Variants in C4orf51 observed in about 807,000 individuals in gnomAD.
C4orf51 encodes chromosome 4 open reading frame 51, also known as uncharacterized protein C4orf51.
Under a neutral mutation model 25.2 loss-of-function variants are expected in C4orf51, and 25 were observed. The ratio of observed to expected loss-of-function variants is 0.99; its 90% CI spans 0.72 to 1.39. The LOEUF (loss-of-function observed/expected upper bound fraction) is 1.39, where lower values mean the gene tolerates loss of function less well. C4orf51 is among the 40% of genes most tolerant of loss of function. The pLI is 0.00. For synonymous variants in C4orf51, 100 were observed against 84.5 expected (o/e 1.18, Z -1.01); for missense variants, 252 against 239.6 (o/e 1.05, Z -0.34).
intron 2 of C4orf51, among the ~76,000 whole-genome samples, chr4:145,711,912 A>G (rs932656165): frequency 1.4e-4 from 22 of 152,258 alleles, no homozygotes; most frequent in African/African-American, 5.3e-4. Flanking sequence ...CCATTTTTCC[A>G]ACAGTATGTA....
At position 145,732,420 on chromosome 4, in the gene C4orf51, G is replaced by A. The variant is rs760308087; in HGVS notation, c.502-33G>A. 13 of 1,387,384 alleles carry A rather than the reference G, an allele frequency of 9.4e-6. No homozygotes were observed. In the South Asian group the frequency reaches 1.6e-4, roughly 17 times the overall value. The allele number at this position is 1,387,384 out of a possible 1,614,324, so 85.9% of individuals were successfully genotyped here. On this transcript the variant is annotated intron_variant, in intron 5 of 5. Transcript: ENST00000438731. ...GTGGAAAAGTGACCTTTGCGGATGAGCGAGTGTTGACAACCAGGCCATTTT... is the reference window on the plus strand; with the variant it reads ...GTGGAAAAGTGACCTTTGCGGATGAACGAGTGTTGACAACCAGGCCATTTT...
rs1728758816 is a variant in C4orf51 at position 145,680,419 on chromosome 4, T to C, written c.216T>C (p.His72=). Residue 72 remains histidine (H), a synonymous_variant, in exon 1 of 6, where the codon CAT becomes CAC. Transcript: ENST00000438731. ...CSQFSFRAGQ[H]EPECKQMSLT... ...AATTTTCTTTTAGAGCAGGACAGCATGAGCCTGAGTGTAAACAGTAAGATT... is the reference window on the plus strand; with the variant it reads ...AATTTTCTTTTAGAGCAGGACAGCACGAGCCTGAGTGTAAACAGTAAGATT... 1 of 1,613,496 alleles carries C rather than the reference T, an allele frequency of 6.2e-7. No homozygotes were observed. The highest frequency in any genetic ancestry group is 8.5e-7 in the Non-Finnish European group (1 of 1,179,498).
At position 145,761,512 on chromosome 4, in the gene C4orf51, C is replaced by T. The variant is rs1560881496; in HGVS notation, n.167-9476C>T. On this transcript the variant is annotated intron_variant and non_coding_transcript_variant, in intron 1 of 1. Coordinates refer to the C4orf51 transcript ENST00000510096. The surrounding 1 kb of genome is among the most constrained non-coding windows in gnomAD (Gnocchi z 6.8). ...GTTGGCCTTCACCGTCTGGCAGATC[C>T]GGCACTTGTACTCCATCTTGTAGTG... is the stretch of plus-strand genomic sequence containing the variant. 1.6e-6 allele frequency: 2 copies of T among 1,289,744 alleles called. No homozygotes were observed. Among genetic ancestry groups the T allele is most frequent in the Admixed American group, 2.3e-5 (1 of 43,566 alleles). The allele number at this position is 1,289,744 out of a possible 1,614,324, so 79.9% of individuals were successfully genotyped here.
chr4:145,701,811 T>C (rs1419206124), intron 2 of C4orf51, among the ~76,000 whole-genome samples: 1 of 152,032 alleles, frequency 6.6e-6, no homozygotes, highest in Non-Finnish European at 1.5e-5. Context: ...TTTTATGCAC[T>C]CTTTTTTAGT....
chr4:145,696,714 C>A, intron 2 of C4orf51, 82 bp downstream of exon 2: 1 of 1,015,486 alleles, frequency 9.8e-7, no homozygotes, highest in Non-Finnish European at 1.5e-6. Flanking sequence ...TTTTTTCTCT[C>A]ACTTTACTGA....
At chr4:145,695,694 A>G (rs1008871184) in intron 1 of C4orf51, among the ~76,000 whole-genome samples, 9 of 152,210 alleles carry the variant, frequency 5.9e-5, no homozygotes, top group Admixed American at 2.0e-4. Flanking sequence ...TCATTCCACC[A>G]TAGAGACACA....
Position 145,765,775 on chromosome 4 carries a change from A to T in C4orf51, n.167-5213A>T. Reference sequence around the variant, plus strand: ...GCAAATAACCCAGTCTGTTAATGAGATGAAAATCCTCAGAATTATAGCAAC... The same window carrying T: ...GCAAATAACCCAGTCTGTTAATGAGTTGAAAATCCTCAGAATTATAGCAAC... On this transcript the variant is annotated intron_variant and non_coding_transcript_variant, in intron 1 of 1. Transcript: ENST00000510096. This position sits in a 1 kb window ranked among gnomAD's most constrained non-coding sequence, Gnocchi z 4.7. 3.1e-6 allele frequency: 5 copies of T among 1,592,058 alleles called. No homozygotes were observed. Among genetic ancestry groups the T allele is most frequent in the Non-Finnish European group, 4.3e-6 (5 of 1,167,698 alleles).
chr4:145,773,841 G>C (rs1441023730), downstream of C4orf51, among the ~76,000 whole-genome samples: 1 of 152,154 alleles, frequency 6.6e-6, no homozygotes, highest in African/African-American at 2.4e-5. Context: ...AGTTTCACTG[G>C]AGAGGAACAG....
downstream of C4orf51, chr4:145,774,769 C>T (rs1736797522): frequency 7.4e-7 from 1 of 1,357,234 alleles, no homozygotes; most frequent in Non-Finnish European, 1.0e-6. Flanking sequence ...CTCAAGAAAA[C>T]TGGAATTTGA....
At chr4:145,719,718 C>G (rs979819162) in intron 2 of C4orf51, among the ~76,000 whole-genome samples, 2 of 152,094 alleles carry the variant, frequency 1.3e-5, no homozygotes, top group Non-Finnish European at 1.5e-5. Context: ...GTGCGTGGCA[C>G]TGTTGCACAC....
At chr4:145,694,734 GC>G (rs1244209691) in intron 1 of C4orf51, among the ~76,000 whole-genome samples, 6 of 151,208 alleles carry the variant, frequency 4.0e-5, no homozygotes, top group Non-Finnish European at 3.0e-5. Flanking sequence ...GAAGTGAGGA[GC>G]CCCTCTGCCC....
downstream of C4orf51, among the ~76,000 whole-genome samples, chr4:145,755,041 G>C (rs972796525): frequency 5.3e-5 from 8 of 152,208 alleles, no homozygotes; most frequent in African/African-American, 1.9e-4. Flanking sequence ...GTTGTGACTT[G>C]AAAATATTGA....
chr4:145,761,103 G>A lies in C4orf51; in HGVS notation n.167-9885G>A, dbSNP rs1263874383. The A allele has an allele frequency of 7.8e-7, 1 of 1,289,464 alleles. No homozygotes were observed. Among genetic ancestry groups the A allele is most frequent in the Non-Finnish European group, 1.0e-6 (1 of 988,726 alleles). 79.9% of individuals were successfully genotyped at this position (1,289,464 alleles called of 1,614,324 possible). ...ACAGGGGAGACAGGAGATTCCGGGA[G>A]CTCCCGACCACCAGGAGCGGGGCCC... On this transcript the variant is annotated intron_variant and non_coding_transcript_variant, in intron 1 of 1. Coordinates refer to the C4orf51 transcript ENST00000510096. This position sits in a 1 kb window ranked among gnomAD's most constrained non-coding sequence, Gnocchi z 6.8.
chr4:145,717,209 T>A (rs940513503), intron 2 of C4orf51, among the ~76,000 whole-genome samples: 3 of 152,130 alleles, frequency 2.0e-5, no homozygotes. Context: ...GAAACATGAG[T>A]AGCGAAAGCA....
intron 1 of C4orf51, among the ~76,000 whole-genome samples, chr4:145,738,444 T>C (rs56247492): frequency 0.17 from 22,472 of 130,774 alleles, 2,043 homozygotes; most frequent in East Asian, 0.4. Flanking sequence ...AGCGAGACTC[T>C]ATCTCGAAAA....
intron 2 of C4orf51, among the ~76,000 whole-genome samples, chr4:145,716,927 C>T (rs1433429415): frequency 6.6e-6 from 1 of 152,102 alleles, no homozygotes; most frequent in Non-Finnish European, 1.5e-5. Context: ...TTCTTTCTTC[C>T]CTTTGCAGTA....
chr4:145,726,651 C>T (rs1202455255), intron 2 of C4orf51, among the ~76,000 whole-genome samples: 2 of 152,180 alleles, frequency 1.3e-5, no homozygotes, highest in African/African-American at 2.4e-5. Flanking sequence ...AAGTGATTCT[C>T]CTGCCTTGAT....
chr4:145,764,920 C>T (rs200915500), intron 1 of C4orf51: 109 of 1,603,708 alleles, frequency 6.8e-5, no homozygotes, highest in South Asian at 1.4e-4. Flanking sequence ...CGGGAAGGGA[C>T]GGGGTAGGGA....
rs1732092295 is a variant in C4orf51 at position 145,726,906 on chromosome 4, T to G, written c.308-5T>G. 11 of 1,611,666 alleles carry G rather than the reference T, an allele frequency of 6.8e-6. No homozygotes were observed. Among genetic ancestry groups the G allele is most frequent in the Non-Finnish European group, 7.6e-6 (9 of 1,177,954 alleles). On this transcript the variant is annotated splice_polypyrimidine_tract_variant and splice_region_variant and intron_variant, in intron 2 of 5. Transcript: ENST00000438731. Reference sequence around the variant, plus strand: ...TCCTGATTTTCCCTCTTCATGTGCATGCAGGACTATTCCCTGATATAACCA... The same window carrying G: ...TCCTGATTTTCCCTCTTCATGTGCAGGCAGGACTATTCCCTGATATAACCA...
Sources: allele counts gnomAD v4.1 joint callset (sites outside exome capture counted in the v4.1 genomes callset), GRCh38; gene constraint gnomAD v4.1.1; non-coding constraint Gnocchi (gnomAD v3.1); transcripts MANE v1.5; gene names NCBI Gene and HGNC (gene_info 2026-07-23, HGNC 2026-07-21).